Variants in PCOLCE2 observed in about 807,000 individuals in gnomAD.
The protein encoded by PCOLCE2 is procollagen C-endopeptidase enhancer 2.
Under a neutral mutation model 47.0 loss-of-function variants are expected in PCOLCE2, and 42 were observed. The ratio of observed to expected loss-of-function variants is 0.89; its 90% CI spans 0.70 to 1.16. PCOLCE2 has a LOEUF of 1.16. Among genes scored for constraint, PCOLCE2 ranks in the 50% most tolerant of loss-of-function variants. The pLI, the probability that PCOLCE2 is intolerant of heterozygous loss-of-function variation, is 0.00. For missense variants in PCOLCE2, 500 were observed against 526.1 expected, an observed-to-expected ratio of 0.95 and a Z score of 0.49; for synonymous variants, 169 against 191.7, an observed-to-expected ratio of 0.88 and a Z score of 0.98.
intron 6 of PCOLCE2, chr3:142,827,201 G>A: frequency 7.8e-7 from 1 of 1,280,482 alleles, no homozygotes; most frequent in Non-Finnish European, 1.1e-6. Context: ...TGAGATGGCG[G>A]AGGGGATGCC....
chr3:142,863,436 T>C (rs1257692004), intron 2 of PCOLCE2, among the ~76,000 whole-genome samples: 1 of 152,164 alleles, frequency 6.6e-6, no homozygotes, highest in Non-Finnish European at 1.5e-5. Context: ...AGAATGATGG[T>C]TTCAGGGGAA....
Position 142,842,599 on chromosome 3 carries a change from C to G in PCOLCE2, c.573+325G>C, listed in dbSNP as rs1937276192. Among the ~76,000 whole-genome samples the G allele has an allele frequency of 6.6e-6, 1 of 151,968 alleles. No homozygotes were observed. The highest frequency in any genetic ancestry group is 6.5e-5 in the Admixed American group (1 of 15,270). On this transcript the variant is annotated intron_variant, in intron 4 of 8. Transcript: ENST00000295992. The surrounding 1 kb of genome is among the most constrained non-coding windows in gnomAD (Gnocchi z 4.1). ...CTAAAAAAATACAAAATTAGCCGGG[C>G]GTGGTGGCGCGTGCCTGTAATCTCA...
chr3:142,833,281 T>G (rs1279148225), intron 5 of PCOLCE2, among the ~76,000 whole-genome samples: 1 of 152,116 alleles, frequency 6.6e-6, no homozygotes, highest in Non-Finnish European at 1.5e-5. Flanking sequence ...TTCCATCTTC[T>G]GGGTTCAAGG....
chr3:142,829,529 C>T (rs1937122476), intron 6 of PCOLCE2, 163 bp downstream of exon 6: 1 of 509,294 alleles, frequency 2.0e-6, no homozygotes. Flanking sequence ...TCTTACACCC[C>T]ATACCTTTCT....
chr3:142,878,860 A>T (rs1485726306), intron 2 of PCOLCE2, among the ~76,000 whole-genome samples: 1 of 152,038 alleles, frequency 6.6e-6, no homozygotes, highest in Non-Finnish European at 1.5e-5. Flanking sequence ...CTCAAAAAAA[A>T]AAAACCCGAA....
At chr3:142,843,773 A>T (rs1937294542) in intron 3 of PCOLCE2, among the ~76,000 whole-genome samples, 1 of 152,134 alleles carries the variant, frequency 6.6e-6, no homozygotes, top group African/African-American at 2.4e-5. Flanking sequence ...TGTAAATAAC[A>T]AATAAAAACT....
intron 2 of PCOLCE2, among the ~76,000 whole-genome samples, chr3:142,878,100 A>G (rs1191267977): frequency 6.6e-6 from 1 of 152,208 alleles, no homozygotes; most frequent in South Asian, 2.1e-4. Context: ...TCCATGTAAC[A>G]GCCCATCTTT....
intron 2 of PCOLCE2, among the ~76,000 whole-genome samples, chr3:142,869,376 AGGTCC>A (rs1933340801): frequency 6.6e-6 from 1 of 152,160 alleles, no homozygotes; most frequent in South Asian, 2.1e-4. Flanking sequence ...GACAGATAAC[AGGTCC>A]GGAAAGAAAT....
intron 2 of PCOLCE2, among the ~76,000 whole-genome samples, chr3:142,855,853 C>G (rs1217944128): frequency 6.6e-6 from 1 of 152,120 alleles, no homozygotes; most frequent in Non-Finnish European, 1.5e-5. Flanking sequence ...AACAGCCCTC[C>G]CACTGCACTG....
intron 2 of PCOLCE2, among the ~76,000 whole-genome samples, chr3:142,875,229 G>A (rs566024438): frequency 1.6e-4 from 24 of 152,286 alleles, no homozygotes; most frequent in African/African-American, 5.3e-4. Context: ...CAAGGCGTAA[G>A]TTGTAACCAC....
chr3:142,821,982 A>G (rs1166663228), intron 7 of PCOLCE2, among the ~76,000 whole-genome samples: 1 of 151,984 alleles, frequency 6.6e-6, no homozygotes, highest in Admixed American at 6.6e-5. Context: ...CAGTGGCACA[A>G]TCTCAGCTCA....
At chr3:142,833,711 T>C (rs961016317) in intron 5 of PCOLCE2, among the ~76,000 whole-genome samples, 3 of 152,202 alleles carry the variant, frequency 2.0e-5, no homozygotes, top group Non-Finnish European at 4.4e-5. Flanking sequence ...CAAAGGTTTA[T>C]TCACTATGCA....
intron 5 of PCOLCE2, among the ~76,000 whole-genome samples, chr3:142,830,237 A>G (rs1412228829): frequency 6.6e-6 from 1 of 152,240 alleles, no homozygotes; most frequent in Non-Finnish European, 1.5e-5. Context: ...GCTGGTTTTC[A>G]AAAAGCACCT....
chr3:142,888,980 C>CGTTCACACTGGCAGCAGCGCTG lies in PCOLCE2; in HGVS notation c.-85_-84insCAGCGCTGCTGCCAGTGTGAAC. 1.9e-6 allele frequency: 1 copy of CGTTCACACTGGCAGCAGCGCTG among 514,054 alleles called. No homozygotes were observed. The highest frequency in any genetic ancestry group is 3.2e-6 in the Non-Finnish European group (1 of 316,242). 31.8% of individuals were successfully genotyped at this position (514,054 alleles called of 1,614,324 possible). On this transcript the variant is annotated 5_prime_UTR_variant, in exon 1 of 9. Coordinates refer to ENST00000295992, the MANE Select transcript of PCOLCE2 (RefSeq NM_013363.4). ...TCCGCACCCACCGCGCTCACACCGC[C>CGTTCACACTGGCAGCAGCGCTG]GCTCACACTGGCAGCAGCGCTGGCT...
intron 2 of PCOLCE2, among the ~76,000 whole-genome samples, chr3:142,855,239 G>A (rs1933038420): frequency 1.3e-5 from 2 of 152,214 alleles, no homozygotes; most frequent in African/African-American, 4.8e-5. Context: ...GTAAGCTACA[G>A]AGAACAGTTG....
In PCOLCE2 at chr3:142,826,166, G is replaced by A. The variant is rs184436760; in HGVS notation, c.866-2551C>T. 1.0e-3 allele frequency among the ~76,000 whole-genome samples: 157 copies of A among 152,028 alleles called. 2 individuals carry two copies. The highest frequency in any genetic ancestry group is 8.2e-3 in the East Asian group (42 of 5,152). ...ACTACAGGTGCCCACCACCACGCCCGGCTAATTTTTTTGTATTTTTTTAGT... is the reference window on the plus strand; with the variant it reads ...ACTACAGGTGCCCACCACCACGCCCAGCTAATTTTTTTGTATTTTTTTAGT... On this transcript the variant is annotated intron_variant, in intron 6 of 8. Transcript: ENST00000295992.
chr3:142,870,249 T>C (rs1365687983), intron 2 of PCOLCE2, among the ~76,000 whole-genome samples: 1 of 152,168 alleles, frequency 6.6e-6, no homozygotes, highest in Non-Finnish European at 1.5e-5. Context: ...AGCAACAGAG[T>C]GATTCTTCAT....
chr3:142,868,837 A>C (rs1933331447), intron 2 of PCOLCE2, among the ~76,000 whole-genome samples: 1 of 152,198 alleles, frequency 6.6e-6, no homozygotes, highest in Non-Finnish European at 1.5e-5. Context: ...CGCACTATTC[A>C]ATAGAAGTAA....
rs1269602796 is a variant in PCOLCE2 at position 142,821,056 on chromosome 3, A to G, written c.950-11T>C. 5 of 1,586,386 alleles carry G rather than the reference A, an allele frequency of 3.2e-6. No homozygotes were observed. Among genetic ancestry groups the G allele is most frequent in the Non-Finnish European group, 8.6e-7 (1 of 1,157,484 alleles). On this transcript the variant is annotated splice_polypyrimidine_tract_variant and intron_variant, in intron 7 of 8. Transcript: ENST00000295992. The stretch of plus-strand genomic sequence containing the variant: ...CAGTGCCGGCTAATACTGCAGAAGA[A>G]AACATTTTGAAGTGATGTGACAGTG...
Sources: gnomAD v4.1 joint callset for allele counts (sites outside exome capture counted in the v4.1 genomes callset) on GRCh38, gnomAD v4.1.1 for gene constraint, Gnocchi (gnomAD v3.1) non-coding constraint, MANE v1.5 for transcripts, NCBI Gene and HGNC (gene_info 2026-07-23, HGNC 2026-07-21) for gene names.